Variants in TCL1A observed in about 807,000 individuals in gnomAD.
The protein encoded by TCL1A is TCL1 family AKT coactivator A.
In TCL1A, 9 loss-of-function variants were observed where a neutral mutation model predicts 16.9. That is an observed-to-expected ratio of 0.53 (90% CI 0.32 to 0.93). The LOEUF (loss-of-function observed/expected upper bound fraction) is 0.93. TCL1A is among the 40% of genes least tolerant of loss of function. The pLI is 0.04. For missense variants in TCL1A, 139 were observed against 153.0 expected (o/e 0.91, Z 0.48); for synonymous variants, 69 against 63.2 (o/e 1.09, Z -0.44).
intron 1 of TCL1A, among the ~76,000 whole-genome samples, chr14:95,713,514 A>C (rs552900130): frequency 1.3e-5 from 2 of 152,162 alleles, no homozygotes; most frequent in African/African-American, 2.4e-5. Context: ...AATACTTCAC[A>C]CTCTAGGCCA....
intron 1 of TCL1A, among the ~76,000 whole-genome samples, chr14:95,713,121 T>G: frequency 6.6e-6 from 1 of 152,218 alleles, no homozygotes; most frequent in East Asian, 1.9e-4. Context: ...AGCCTAGAAT[T>G]CCAACCCCAT....
Position 95,713,986 on chromosome 14 carries a change from C to A in TCL1A, c.81G>T (p.Leu27Phe). Residue 27 changes from leucine to phenylalanine, a missense_variant, in exon 1 of 4, where the codon TTG becomes TTT. Around this residue, in one of 2 missense-constraint regions of TCL1A, gnomAD observed 94 missense variants for 80.2 expected, o/e 1.17. Coordinates refer to ENST00000402399, the MANE Select transcript of TCL1A (RefSeq NM_021966.3). ...GCAGCCAGGCGTGCTGCTTCTCGTC[C>A]AAATACACGAACTTCTCCCAGGCCC... The part of the protein sequence containing the change: ...RLWAWEKFVY[L>F]DEKQHAWLPL... 2 of 1,614,120 alleles carry A rather than the reference C, an allele frequency of 1.2e-6. No homozygotes were observed. The highest frequency in any genetic ancestry group is 1.7e-6 in the Non-Finnish European group (2 of 1,180,028).
intron 1 of TCL1A, among the ~76,000 whole-genome samples, 158 bp downstream of exon 1, chr14:95,713,789 C>T (rs534549460): frequency 6.6e-6 from 1 of 152,328 alleles, no homozygotes; most frequent in Non-Finnish European, 1.5e-5. Context: ...TGGAGAACTC[C>T]TATTCATCCT....
At chr14:95,712,420 C>T in intron 1 of TCL1A, 24 bp from the exon 2 acceptor site, 3 of 1,574,864 alleles carry the variant, frequency 1.9e-6, no homozygotes, top group Non-Finnish European at 2.6e-6. Context: ...AAGGACAGGG[C>T]ATACTTTCAG....
intron 1 of TCL1A, among the ~76,000 whole-genome samples, chr14:95,713,271 T>G (rs557668294): frequency 6.6e-6 from 1 of 152,224 alleles, no homozygotes; most frequent in African/African-American, 2.4e-5. Flanking sequence ...TTTTTATGCT[T>G]TCTTCAGTGT....
chr14:95,713,906 T>G (rs781485777), intron 1 of TCL1A, 41 bp downstream of exon 1: 1 of 1,608,474 alleles, frequency 6.2e-7, no homozygotes, highest in African/African-American at 1.3e-5. Context: ...TCCCAGGGGC[T>G]GCCCCTGCTG....
intron 1 of TCL1A, among the ~76,000 whole-genome samples, chr14:95,713,729 AC>A (rs1886463044): frequency 6.6e-6 from 1 of 152,108 alleles, no homozygotes. Context: ...CACTGGGTCC[AC>A]CCCTTTGACC....
chr14:95,713,823 T>G, intron 1 of TCL1A, 124 bp downstream of exon 1: 1 of 1,445,628 alleles, frequency 6.9e-7, no homozygotes, highest in Non-Finnish European at 9.3e-7. Flanking sequence ...CAAAGTGGCT[T>G]CATCTGTGGG....
chr14:95,714,104 C>T lies in TCL1A; in HGVS notation c.-38G>A. The T allele has an allele frequency of 6.2e-7, 1 of 1,608,070 alleles. No individual in the cohort carries two copies. Among genetic ancestry groups the T allele is most frequent in the South Asian group, 1.1e-5 (1 of 90,876 alleles). On this transcript the variant is annotated 5_prime_UTR_variant, in exon 1 of 4. Coordinates refer to ENST00000402399, the MANE Select transcript of TCL1A (RefSeq NM_021966.3). ...CCGCCTAAGAAGCAAGAGCCAGAGCCTCTCAAGGCCGCTCGCTGGTCCCTG... is the reference window on the plus strand; with the variant it reads ...CCGCCTAAGAAGCAAGAGCCAGAGCTTCTCAAGGCCGCTCGCTGGTCCCTG...
At chr14:95,711,245 G>T (rs956265139) in intron 3 of TCL1A, among the ~76,000 whole-genome samples, 1 of 150,144 alleles carries the variant, frequency 6.7e-6, no homozygotes, top group Non-Finnish European at 1.5e-5. Flanking sequence ...AGATCATGAG[G>T]TCAGGAGATC....
chr14:95,712,606 C>G (rs2139721241), intron 1 of TCL1A: 1 of 1,487,610 alleles, frequency 6.7e-7, no homozygotes, highest in Non-Finnish European at 8.9e-7. Flanking sequence ...GGACCACCAG[C>G]ACACACACGT....
At chr14:95,713,369 A>T (rs2139722540) in intron 1 of TCL1A, among the ~76,000 whole-genome samples, 1 of 152,378 alleles carries the variant, frequency 6.6e-6, no homozygotes, top group East Asian at 1.9e-4. Flanking sequence ...TTCTTTAACA[A>T]AAACTTAACA....
At position 95,712,797 on chromosome 14, in the gene TCL1A, C is replaced by G. The variant is rs151199857; in HGVS notation, c.121-401G>C. The G allele has an allele frequency of 1.1e-3, 813 of 708,070 alleles. 5 individuals are homozygous for G. The African/African-American group carries it at 0.013, about 11-fold the overall frequency. 43.9% of individuals were successfully genotyped at this position (708,070 alleles called of 1,614,324 possible). A position where few individuals can be genotyped will look rare whatever the true frequency, so the allele number is the denominator to read the frequency against. ...TATCTACAGGAAAAAAAAAAAACAACAAAGAAAGAAAGAGAGAAAAAGAAT... is the reference window on the plus strand; with the variant it reads ...TATCTACAGGAAAAAAAAAAAACAAGAAAGAAAGAAAGAGAGAAAAAGAAT... On this transcript the variant is annotated intron_variant, in intron 1 of 3. Transcript: ENST00000402399.
chr14:95,712,696 C>T lies in TCL1A; in HGVS notation c.121-300G>A, dbSNP rs996810461. 8.5e-5 allele frequency: 115 copies of T among 1,356,706 alleles called. No homozygotes were observed. In the Admixed American group the frequency reaches 2.5e-3, roughly 29 times the overall value. 84.0% of individuals were successfully genotyped at this position (1,356,706 alleles called of 1,614,324 possible). On this transcript the variant is annotated intron_variant, in intron 1 of 3. Transcript: ENST00000402399. ...GCGGCTCACACTTGTAATTCCAGTGCTTTGGAAGGCAGAGGCAGGAGGATC... is the reference window on the plus strand; with the variant it reads ...GCGGCTCACACTTGTAATTCCAGTGTTTTGGAAGGCAGAGGCAGGAGGATC...
In TCL1A at chr14:95,710,855, G is replaced by A. The variant is rs1260588049; in HGVS notation, c.*33C>T. ...AGGCTGGCCAGGCTCAGGCCCTGGG[G>A]TGAAAGGAGACAGGTGCTGCCAAGA... On this transcript the variant is annotated 3_prime_UTR_variant, in exon 4 of 4. Transcript: ENST00000402399. The A allele has an allele frequency of 1.3e-5, 2 of 152,938 alleles. No homozygotes were observed. The highest frequency in any genetic ancestry group is 1.3e-4 in the Admixed American group (2 of 15,292). The allele number at this position is 152,938 out of a possible 1,614,324, so 9.5% of individuals were successfully genotyped here. A position where few individuals can be genotyped will look rare whatever the true frequency, so the allele number is the denominator to read the frequency against.
At chr14:95,713,153 C>G (rs1323070815) in intron 1 of TCL1A, among the ~76,000 whole-genome samples, 1 of 152,320 alleles carries the variant, frequency 6.6e-6, no homozygotes, top group South Asian at 2.1e-4. Flanking sequence ...AATCTTACCT[C>G]GGACAAATGT....
chr14:95,711,533 T>C (rs557441637), intron 3 of TCL1A: 7 of 553,720 alleles, frequency 1.3e-5, no homozygotes, highest in East Asian at 2.9e-5. Flanking sequence ...TTTATAGATA[T>C]GAGCAGCTGC....
rs1886317484 is a variant in TCL1A, at chr14:95,710,439, A to T, written c.*449T>A. Reference sequence around the variant, plus strand: ...TGCAGGCGTGTTTACATGCAGGCGTAGCACCATGTGAGACCACTGGTCCAG... The same window carrying T: ...TGCAGGCGTGTTTACATGCAGGCGTTGCACCATGTGAGACCACTGGTCCAG... On this transcript the variant is annotated 3_prime_UTR_variant, in exon 4 of 4. Coordinates refer to ENST00000402399, the MANE Select transcript of TCL1A (RefSeq NM_021966.3). The T allele has an allele frequency of 6.6e-6, 1 of 150,626 alleles. No individual in the cohort carries two copies. Among genetic ancestry groups the T allele is most frequent in the African/African-American group, 2.6e-5 (1 of 38,878 alleles). 9.3% of individuals were successfully genotyped at this position (150,626 alleles called of 1,614,324 possible).
Position 95,711,469 on chromosome 14 carries a change from A to C in TCL1A, c.*6+280T>G. On this transcript the variant is annotated intron_variant, in intron 3 of 3. Transcript: ENST00000402399. ...GGGCCACAGAGCCAGACTCATCTCA[A>C]AAAAAAAAAAAAGCAATGGTAAATG... is the stretch of plus-strand genomic sequence containing the variant. The C allele has an allele frequency of 8.3e-5, 20 of 240,314 alleles. No homozygotes were observed. The South Asian group carries it at 1.7e-3, about 20-fold the overall frequency. The allele number at this position is 240,314 out of a possible 1,614,324, so 14.9% of individuals were successfully genotyped here. A position where few individuals can be genotyped will look rare whatever the true frequency, so the allele number is the denominator to read the frequency against.
Sources: gnomAD v4.1 joint callset for allele counts (sites outside exome capture counted in the v4.1 genomes callset) on GRCh38, gnomAD v4.1.1 for gene constraint, gnomAD v4.1.1 regional missense constraint, MANE v1.5 for transcripts, NCBI Gene and HGNC (gene_info 2026-07-23, HGNC 2026-07-21) for gene names.